Variants in MCF2 observed in about 807,000 individuals in gnomAD.
MCF2 encodes MCF.2 cell line derived transforming sequence.
A neutral mutation model predicts 82.5 loss-of-function variants in MCF2; 44 were observed. That is an observed-to-expected ratio of 0.53 (90% CI 0.42 to 0.69). The LOEUF (loss-of-function observed/expected upper bound fraction) is 0.69, where lower values mean the gene tolerates loss of function less well. Ranked by LOEUF, MCF2 falls within the 30% of genes least tolerant of loss-of-function variation. MCF2 has a pLI of 0.00. For synonymous variants in MCF2, 217 were observed against 224.9 expected (o/e 0.96, Z 0.32); for missense variants, 623 against 663.1 (o/e 0.94, Z 0.66).
intron 19 of MCF2, 83 bp from the exon 24 acceptor site, chrX:139,590,010 T>C (rs891632838): frequency 2.3e-5 from 13 of 561,698 alleles, no homozygotes; most frequent in Non-Finnish European, 3.1e-5. Flanking sequence ...ATATTCTAAG[T>C]GAAACAGAAT....
At chrX:139,621,677 T>C (rs1389529232) in intron 6 of MCF2, among the ~76,000 whole-genome samples, 2 of 111,596 alleles carry the variant, frequency 1.8e-5, no homozygotes, top group Admixed American at 9.5e-5. Flanking sequence ...GCTAGCCATA[T>C]GTAGAAAGCT....
At chrX:139,697,114 T>C (rs958477533) in intron 1 of MCF2, among the ~76,000 whole-genome samples, 1 of 111,534 alleles carries the variant, frequency 9.0e-6, no homozygotes, top group Non-Finnish European at 1.9e-5. Context: ...AGGAGGGTAG[T>C]CCAGGCCAAA....
chrX:139,642,310 G>A (rs1933613753), intron 1 of MCF2, among the ~76,000 whole-genome samples: 1 of 111,614 alleles, frequency 9.0e-6, no homozygotes, highest in Non-Finnish European at 1.9e-5. Context: ...CAATATCACA[G>A]TAATCACATC....
intron 21 of MCF2, 136 bp from the exon 26 acceptor site, chrX:139,587,924 A>G: frequency 2.3e-6 from 1 of 433,029 alleles, no homozygotes; most frequent in Non-Finnish European, 4.0e-6. Flanking sequence ...AGCTTCACAG[A>G]CTTGAAATAA....
chrX:139,613,307 A>G (rs1284047620), intron 10 of MCF2, 44 bp from the exon 14 acceptor site: 1 of 1,000,809 alleles, frequency 1.0e-6, no homozygotes, highest in South Asian at 2.1e-5. Flanking sequence ...AATATCAGAA[A>G]AAAATGAAAC....
At chrX:139,707,913 C>G (rs922752809) in intron 1 of MCF2, among the ~76,000 whole-genome samples, 193 bp downstream of exon 1, 1 of 111,716 alleles carries the variant, frequency 9.0e-6, no homozygotes, top group Non-Finnish European at 1.9e-5. Flanking sequence ...GACAGATACA[C>G]CTTTACAAGA....
At chrX:139,699,417 TCA>T (rs1414630103) in intron 1 of MCF2, among the ~76,000 whole-genome samples, 1 of 112,062 alleles carries the variant, frequency 8.9e-6, no homozygotes, top group Non-Finnish European at 1.9e-5. Flanking sequence ...TTTAATATAT[TCA>T]CAGAGATGTA....
intron 1 of MCF2, among the ~76,000 whole-genome samples, chrX:139,664,076 C>T (rs369077166): frequency 9.0e-6 from 1 of 110,630 alleles, no homozygotes; most frequent in Non-Finnish European, 1.9e-5. Context: ...GCGATTTCGG[C>T]TCACTGCAAC....
chrX:139,654,520 C>G (rs1196072980), intron 1 of MCF2, among the ~76,000 whole-genome samples: 1 of 111,786 alleles, frequency 8.9e-6, no homozygotes, highest in African/African-American at 3.3e-5. Context: ...GTTGTTTGAG[C>G]TCCTTATATT....
At chrX:139,597,290 C>T (rs1300580707) in intron 18 of MCF2, among the ~76,000 whole-genome samples, 170 bp downstream of exon 22, 1 of 111,290 alleles carries the variant, frequency 9.0e-6, no homozygotes, top group Non-Finnish European at 1.9e-5. Context: ...ATCCATTTGG[C>T]TGCTGATCTG....
chrX:139,619,478 G>C (rs1179457069), intron 7 of MCF2, 109 bp downstream of exon 10: 16 of 571,213 alleles, frequency 2.8e-5, no homozygotes, highest in Non-Finnish European at 3.9e-5. Flanking sequence ...AGTAACTTAT[G>C]GAAAAATAAA....
chrX:139,686,326 T>A (rs1216750276), intron 1 of MCF2, among the ~76,000 whole-genome samples: 1 of 111,331 alleles, frequency 9.0e-6, no homozygotes, highest in African/African-American at 3.3e-5. Context: ...GGAAGTCAAA[T>A]TATCCCTGTT....
At chrX:139,700,456 A>T (rs1935468289) in intron 1 of MCF2, among the ~76,000 whole-genome samples, 1 of 112,084 alleles carries the variant, frequency 8.9e-6, no homozygotes, top group African/African-American at 3.2e-5. Flanking sequence ...CGATATCTCC[A>T]TTTTAATAGA....
chrX:139,685,845 T>G (rs945419753), intron 1 of MCF2, among the ~76,000 whole-genome samples: 3 of 111,139 alleles, frequency 2.7e-5, no homozygotes, highest in African/African-American at 9.8e-5. Context: ...TAAACAGAGA[T>G]GCAAAAATAC....
chrX:139,655,386 G>A (rs953544223), intron 1 of MCF2, among the ~76,000 whole-genome samples: 2 of 111,422 alleles, frequency 1.8e-5, no homozygotes, highest in African/African-American at 6.5e-5. Context: ...TGTAGCTATT[G>A]TAAATGTGAT....
At chrX:139,618,805 A>C (rs1298498885) in intron 7 of MCF2, among the ~76,000 whole-genome samples, 2 of 111,778 alleles carry the variant, frequency 1.8e-5, no homozygotes, top group Non-Finnish European at 3.8e-5. Context: ...TAAGTATTAA[A>C]GCCACTAGTC....
At chrX:139,676,639 A>T (rs1453943710) in intron 1 of MCF2, among the ~76,000 whole-genome samples, 2 of 111,854 alleles carry the variant, frequency 1.8e-5, no homozygotes, top group Non-Finnish European at 3.8e-5. Context: ...TTTTATTGGT[A>T]AAGTGGAAAA....
chrX:139,611,048 G>A (rs984829568), intron 10 of MCF2, among the ~76,000 whole-genome samples: 4 of 112,251 alleles, frequency 3.6e-5, no homozygotes, highest in African/African-American at 1.3e-4. Flanking sequence ...GTGAGCCACT[G>A]TATTATTAAG....
chrX:139,671,783 T>A (rs1411153392), intron 1 of MCF2, among the ~76,000 whole-genome samples: 2 of 111,941 alleles, frequency 1.8e-5, no homozygotes, highest in East Asian at 5.6e-4. Context: ...CTTAGGATTG[T>A]CTAGGCAATG....
Sources: allele counts gnomAD v4.1 joint callset (sites outside exome capture counted in the v4.1 genomes callset), GRCh38; gene constraint gnomAD v4.1.1; transcripts MANE v1.5; gene names NCBI Gene and HGNC (gene_info 2026-07-23, HGNC 2026-07-21).